The following GLMN variants were observed in gnomAD, a reference collection of about 807,000 sequenced individuals.
GLMN encodes glomulin, FKBP associated protein.
Under a neutral mutation model 87.8 loss-of-function variants are expected in GLMN, and 75 were observed. The ratio of observed to expected loss-of-function variants is 0.85; its 90% CI spans 0.71 to 1.04. GLMN has a LOEUF of 1.04. Ranked by LOEUF, GLMN falls within the 50% of genes least tolerant of loss-of-function variation. The pLI is 0.00. For synonymous variants in GLMN, 206 were observed against 221.6 expected, an observed-to-expected ratio of 0.93 and a Z score of 0.63; for missense variants, 588 against 658.8, an observed-to-expected ratio of 0.89 and a Z score of 1.18.
At position 92,247,053 on chromosome 1, in the gene GLMN, T is replaced by C. The variant is rs1482902341; in HGVS notation, c.1668+9A>G. ...AAGAAAAAGGAAAGAAAAGAAAATT[T>C]CAGATCACCTTAAGCTGCATTTCAG... On this transcript the variant is annotated intron_variant, in intron 18 of 18. Coordinates refer to ENST00000370360, the MANE Select transcript of GLMN (RefSeq NM_053274.3). The C allele has an allele frequency of 7.0e-7, 1 of 1,420,898 alleles. No homozygotes were observed. Among genetic ancestry groups the C allele is most frequent in the African/African-American group, 1.4e-5 (1 of 71,306 alleles). 88.0% of individuals were successfully genotyped at this position (1,420,898 alleles called of 1,614,324 possible). A position where few individuals can be genotyped will look rare whatever the true frequency, so the allele number is the denominator to read the frequency against.
chr1:92,298,071 A>G, intron 1 of GLMN, 42 bp from the exon 2 acceptor site: 1 of 841,144 alleles, frequency 1.2e-6, no homozygotes, highest in Non-Finnish European at 2.1e-6. Context: ...GTGATATTAC[A>G]CTTAAGTATT....
intron 7 of GLMN, among the ~76,000 whole-genome samples, chr1:92,279,617 C>T (rs990165110): frequency 2.0e-5 from 3 of 152,104 alleles, no homozygotes; most frequent in Non-Finnish European, 2.9e-5. Context: ...ACAGTGGGTG[C>T]AGCCCACGGA....
In GLMN at chr1:92,263,716, T is replaced by C. The variant is rs376649308; in HGVS notation, c.1316A>G (p.Lys439Arg). 1.4e-5 allele frequency: 22 copies of C among 1,576,110 alleles called. No homozygotes were observed. The highest frequency in any genetic ancestry group is 2.7e-5 in the African/African-American group (2 of 74,170). Residue 439 changes from lysine (K) to arginine (R), a missense_variant, in exon 15 of 19, where the codon AAA (lysine) becomes AGA (arginine). Transcript: ENST00000370360. ...AATCAACTGTGGTCCTGTAAACCAT[T>C]TGTTGTTACGTGTTCTCTGAAAAGC... The part of the protein sequence containing the change: ...DMSLKRTRNN[K>R]WFTGPQLISL...
chr1:92,366,256 T>G, the GLMN span, among the ~76,000 whole-genome samples: 4 of 152,168 alleles, frequency 2.6e-5, no homozygotes, highest in Non-Finnish European at 5.9e-5. Flanking sequence ...TGAGCTGTGA[T>G]TGCACCACTG....
chr1:92,305,450 A>AAAAAAAAAAAAAAAAAAAAAAAAAAC, the GLMN span, among the ~76,000 whole-genome samples: 3 of 141,852 alleles, frequency 2.1e-5, no homozygotes, highest in African/African-American at 8.9e-5. Flanking sequence ...AAAAAAAAAA[A>AAAAAAAAAAAAAAAAAAAAAAAAAAC]AGACAATATG....
chr1:92,295,951 A>T (rs957263419), intron 3 of GLMN, among the ~76,000 whole-genome samples: 1 of 152,226 alleles, frequency 6.6e-6, no homozygotes, highest in African/African-American at 2.4e-5. Context: ...ATTAGAAAAA[A>T]ATCAAGAAGA....
At chr1:92,346,800 T>A in the GLMN span, among the ~76,000 whole-genome samples, 1 of 152,184 alleles carries the variant, frequency 6.6e-6, no homozygotes, top group East Asian at 1.9e-4. Context: ...TTAAAACTAT[T>A]CAATAAGTGT....
chr1:92,268,915 C>CTTTTT (rs10706669), intron 9 of GLMN, among the ~76,000 whole-genome samples: 1 of 120,478 alleles, frequency 8.3e-6, no homozygotes, highest in African/African-American at 3.2e-5. Flanking sequence ...CTGTAATTTC[C>CTTTTT]TTTTTTTTTT....
the GLMN span, among the ~76,000 whole-genome samples, chr1:92,306,146 T>C: frequency 1.5e-4 from 23 of 152,272 alleles, no homozygotes; most frequent in African/African-American, 5.1e-4. Flanking sequence ...TACTGTATGC[T>C]TTCACTTATA....
At chr1:92,338,818 C>T in the GLMN span, among the ~76,000 whole-genome samples, 7 of 151,762 alleles carry the variant, frequency 4.6e-5, no homozygotes, top group Non-Finnish European at 1.0e-4. Flanking sequence ...CTATGTTGCC[C>T]AGGCTGGTCT....
chr1:92,362,347 C>CA, the GLMN span, among the ~76,000 whole-genome samples: 1 of 152,086 alleles, frequency 6.6e-6, no homozygotes, highest in East Asian at 1.9e-4. Flanking sequence ...TTTTTGGAAG[C>CA]AAAATTCAAA....
At chr1:92,352,950 T>G in the GLMN span, among the ~76,000 whole-genome samples, 1 of 152,240 alleles carries the variant, frequency 6.6e-6, no homozygotes. Context: ...TGGAATCATA[T>G]GTGACCTTTT....
At chr1:92,346,872 G>A in the GLMN span, among the ~76,000 whole-genome samples, 1 of 152,110 alleles carries the variant, frequency 6.6e-6, no homozygotes, top group Non-Finnish European at 1.5e-5. Context: ...TTGCATTACT[G>A]TTGCTGCTTG....
chr1:92,253,567 G>A (rs1376048116), intron 16 of GLMN, among the ~76,000 whole-genome samples: 1 of 152,208 alleles, frequency 6.6e-6, no homozygotes, highest in African/African-American at 2.4e-5. Context: ...GCTTCCAGAG[G>A]AAGGAGCAGG....
the GLMN span, among the ~76,000 whole-genome samples, chr1:92,306,692 A>G: frequency 6.6e-6 from 1 of 152,080 alleles, no homozygotes; most frequent in Non-Finnish European, 1.5e-5. Flanking sequence ...AAAAAATAAA[A>G]TAGCCAGGTG....
At chr1:92,309,439 T>TTA in the GLMN span, among the ~76,000 whole-genome samples, 1 of 32,950 alleles carries the variant, frequency 3.0e-5, no homozygotes, top group Non-Finnish European at 4.9e-5. Context: ...AGACTCCATC[T>TTA]CAAAAAAAAA....
At chr1:92,284,602 A>G (rs551329600) in intron 7 of GLMN, among the ~76,000 whole-genome samples, 5 of 152,344 alleles carry the variant, frequency 3.3e-5, no homozygotes, top group African/African-American at 1.2e-4. Flanking sequence ...AATGTCAACA[A>G]AAGCCAAAAT....
At chr1:92,305,699 G>C in the GLMN span, among the ~76,000 whole-genome samples, 2 of 151,998 alleles carry the variant, frequency 1.3e-5, no homozygotes, top group Admixed American at 1.3e-4. Context: ...ATTTACACAA[G>C]GAACTTGAAT....
chr1:92,277,030 C>A (rs1279623915), intron 7 of GLMN, among the ~76,000 whole-genome samples: 1 of 152,122 alleles, frequency 6.6e-6, no homozygotes, highest in African/African-American at 2.4e-5. Context: ...GTTATCCAAG[C>A]AAAAACCCTC....
Sources: allele counts gnomAD v4.1 joint callset (sites outside exome capture counted in the v4.1 genomes callset), GRCh38; gene constraint gnomAD v4.1.1; transcripts MANE v1.5; gene names NCBI Gene and HGNC (gene_info 2026-07-23, HGNC 2026-07-21).